The following SPAG16 variants were observed in gnomAD, a reference collection of about 807,000 sequenced individuals.
SPAG16 encodes sperm associated antigen 16.
In SPAG16, 86 loss-of-function variants were observed where a neutral mutation model predicts 80.4. The ratio of observed to expected loss-of-function variants is 1.07; its 90% CI spans 0.90 to 1.28. The LOEUF (loss-of-function observed/expected upper bound fraction) is 1.28. Ranked by LOEUF, SPAG16 falls within the 50% of genes most tolerant of loss-of-function variation. The pLI, the probability that SPAG16 is intolerant of heterozygous loss-of-function variation, is 0.00. For missense variants in SPAG16, 870 were observed against 765.3 expected, an observed-to-expected ratio of 1.14 and a Z score of -1.61; for synonymous variants, 294 against 265.9, an observed-to-expected ratio of 1.11 and a Z score of -1.03.
rs187498831 is a variant in SPAG16, at chr2:213,691,948, C to T, written c.1071-170537C>T. 1.7e-3 allele frequency among the ~76,000 whole-genome samples: 260 copies of T among 152,194 alleles called. 1 individual carries two copies. Among genetic ancestry groups the T allele is most frequent in the African/African-American group, 6.1e-3 (252 of 41,538 alleles). On this transcript the variant is annotated intron_variant, in intron 10 of 15. Transcript: ENST00000331683. Reference sequence around the variant, plus strand: ...CCTAAAAAGTTAAACAAGACTCATTCAAAAGATGATCACAAATTTACTCAA... The same window carrying T: ...CCTAAAAAGTTAAACAAGACTCATTTAAAAGATGATCACAAATTTACTCAA...
At chr2:213,298,274 G>A (rs2062590081) in intron 3 of SPAG16, among the ~76,000 whole-genome samples, 1 of 152,158 alleles carries the variant, frequency 6.6e-6, no homozygotes, top group Non-Finnish European at 1.5e-5. Context: ...GAATCCCATG[G>A]ACATAGCTTC....
intron 15 of SPAG16, among the ~76,000 whole-genome samples, chr2:214,294,229 C>T (rs889890520): frequency 1.3e-5 from 2 of 152,202 alleles, no homozygotes; most frequent in Admixed American, 1.3e-4. Flanking sequence ...GAGGGGCTTG[C>T]TCTTGGCTAA....
chr2:214,337,519 T>A (rs549975829), intron 15 of SPAG16, among the ~76,000 whole-genome samples: 2 of 152,190 alleles, frequency 1.3e-5, no homozygotes, highest in African/African-American at 4.8e-5. Flanking sequence ...CAAATTAACT[T>A]AGGAGTACCA....
chr2:214,045,156 A>C (rs1252419457), intron 13 of SPAG16, among the ~76,000 whole-genome samples: 1 of 152,146 alleles, frequency 6.6e-6, no homozygotes, highest in African/African-American at 2.4e-5. Context: ...AGGAGAGCAG[A>C]GGGAATAATA....
intron 15 of SPAG16, among the ~76,000 whole-genome samples, chr2:214,199,564 G>C (rs2057950289): frequency 6.6e-6 from 1 of 152,070 alleles, no homozygotes; most frequent in Non-Finnish European, 1.5e-5. Context: ...TTTTTGCTTA[G>C]TATTGTTTTG....
intron 3 of SPAG16, among the ~76,000 whole-genome samples, chr2:213,302,837 T>C (rs997305321): frequency 6.6e-6 from 1 of 152,072 alleles, no homozygotes; most frequent in African/African-American, 2.4e-5. Context: ...AAACATTTAT[T>C]TGAAAGGGCA....
chr2:213,666,758 G>A (rs2063619613), intron 10 of SPAG16, among the ~76,000 whole-genome samples: 1 of 152,320 alleles, frequency 6.6e-6, no homozygotes, highest in Non-Finnish European at 1.5e-5. Context: ...GACTTGAAGA[G>A]TTACACTGAG....
chr2:213,992,289 C>T (rs922610128), intron 12 of SPAG16, among the ~76,000 whole-genome samples: 1 of 151,910 alleles, frequency 6.6e-6, no homozygotes, highest in African/African-American at 2.4e-5. Context: ...ACAGTAATGC[C>T]ACTTGAATTT....
chr2:213,995,915 A>G (rs1306124643), intron 12 of SPAG16, among the ~76,000 whole-genome samples: 1 of 152,166 alleles, frequency 6.6e-6, no homozygotes, highest in Non-Finnish European at 1.5e-5. Flanking sequence ...AGAGCCTGAC[A>G]AGCATACATA....
chr2:213,907,322 C>T (rs2077471145), intron 11 of SPAG16, among the ~76,000 whole-genome samples: 1 of 151,968 alleles, frequency 6.6e-6, no homozygotes, highest in African/African-American at 2.4e-5. Flanking sequence ...ATCAAAACTA[C>T]AAAGAGATAT....
intron 12 of SPAG16, among the ~76,000 whole-genome samples, chr2:213,968,027 A>G (rs2044797953): frequency 6.6e-6 from 1 of 152,128 alleles, no homozygotes; most frequent in African/African-American, 2.4e-5. Flanking sequence ...AATTATTCAC[A>G]CAGCTGCCGC....
chr2:213,427,715 G>C (rs927624785), intron 9 of SPAG16, among the ~76,000 whole-genome samples: 3 of 152,162 alleles, frequency 2.0e-5, no homozygotes, highest in Non-Finnish European at 4.4e-5. Context: ...CAAGGACCAA[G>C]TTGCTATTCT....
At chr2:213,695,971 G>A (rs759645438) in intron 10 of SPAG16, among the ~76,000 whole-genome samples, 1 of 152,170 alleles carries the variant, frequency 6.6e-6, no homozygotes, top group Non-Finnish European at 1.5e-5. Flanking sequence ...GGTAGAAGAA[G>A]AGATATTATT....
intron 10 of SPAG16, among the ~76,000 whole-genome samples, chr2:213,765,230 G>A (rs566264176): frequency 9.9e-5 from 15 of 152,230 alleles, no homozygotes; most frequent in African/African-American, 2.6e-4. Flanking sequence ...TTAGCTGGGC[G>A]TGGTGGTGCA....
chr2:213,397,713 A>G (rs2068111512), intron 9 of SPAG16, among the ~76,000 whole-genome samples: 1 of 151,848 alleles, frequency 6.6e-6, no homozygotes, highest in South Asian at 2.1e-4. Flanking sequence ...ATAATTTTTC[A>G]TTGCCTCTAT....
chr2:214,238,113 C>T (rs748892083), intron 15 of SPAG16: 46 of 401,552 alleles, frequency 1.1e-4, no homozygotes, highest in African/African-American at 9.1e-4. Context: ...TTTAATTAAT[C>T]ATACAATTTG....
intron 15 of SPAG16, among the ~76,000 whole-genome samples, chr2:214,370,470 T>TATGGTG (rs1699739065): frequency 1.3e-5 from 2 of 152,160 alleles, no homozygotes; most frequent in African/African-American, 2.4e-5. Context: ...TATATAAATT[T>TATGGTG]ATGGTGTACA....
chr2:214,356,574 C>G (rs1429785626), intron 15 of SPAG16, among the ~76,000 whole-genome samples: 1 of 107,084 alleles, frequency 9.3e-6, no homozygotes, highest in African/African-American at 2.5e-5. Flanking sequence ...AAAGCCCCAC[C>G]CCAACCATAT....
At chr2:213,444,595 A>C (rs1456326965) in intron 9 of SPAG16, among the ~76,000 whole-genome samples, 1 of 152,172 alleles carries the variant, frequency 6.6e-6, no homozygotes, top group Non-Finnish European at 1.5e-5. Flanking sequence ...GCATTTTAAC[A>C]ATGTTGATTC....
Sources: allele counts gnomAD v4.1 joint callset (sites outside exome capture counted in the v4.1 genomes callset), GRCh38; gene constraint gnomAD v4.1.1; transcripts MANE v1.5; gene names NCBI Gene and HGNC (gene_info 2026-07-23, HGNC 2026-07-21).